The following KIAA1217 variants were observed in gnomAD, a reference collection of about 807,000 sequenced individuals.
The protein encoded by KIAA1217 is KIAA1217.
A neutral mutation model predicts 163.9 loss-of-function variants in KIAA1217; 88 were observed. That is an observed-to-expected ratio of 0.54 (90% CI 0.45 to 0.64). KIAA1217 has a LOEUF of 0.64. Ranked by LOEUF, KIAA1217 falls within the 30% of genes least tolerant of loss-of-function variation. The pLI, the probability that KIAA1217 is intolerant of heterozygous loss-of-function variation, is 0.00. For synonymous variants in KIAA1217, 903 were observed against 923.1 expected (o/e 0.98, Z 0.39); for missense variants, 2,372 against 2,475.0 (o/e 0.96, Z 0.88).
intron 1 of KIAA1217, among the ~76,000 whole-genome samples, chr10:23,858,943 C>T (rs1305653491): frequency 2.6e-5 from 4 of 152,166 alleles, no homozygotes; most frequent in South Asian, 2.1e-4. Context: ...TTTCCTCCCT[C>T]GTAACTTAAT....
At chr10:24,373,450 A>G (rs905209029) in intron 2 of KIAA1217, among the ~76,000 whole-genome samples, 2 of 152,120 alleles carry the variant, frequency 1.3e-5, no homozygotes, top group African/African-American at 4.8e-5. Flanking sequence ...TGGCCTCTGT[A>G]GCATGGGGAT....
At chr10:23,775,135 G>A (rs1050188551) in intron 1 of KIAA1217, among the ~76,000 whole-genome samples, 1 of 152,148 alleles carries the variant, frequency 6.6e-6, no homozygotes, top group Non-Finnish European at 1.5e-5. Context: ...TCCATTAAAA[G>A]CTGCTGCCCT....
chr10:24,534,850 C>T lies in KIAA1217; in HGVS notation c.3414+1613C>T, dbSNP rs180770891. On this transcript the variant is annotated intron_variant, in intron 16 of 20. Transcript: ENST00000376454. The stretch of plus-strand genomic sequence containing the variant: ...GAGCCAGGATCACACCACTGCACTT[C>T]AGCCTGGGTGACAAGAGTGAAACTC... Among the ~76,000 whole-genome samples, 233 of 134,212 alleles carry T rather than the reference C, an allele frequency of 1.7e-3. 4 individuals are homozygous for T. The highest frequency in any genetic ancestry group is 6.2e-3 in the African/African-American group (216 of 35,078). The allele number at this position is 134,212 out of a possible 152,430, so 88.0% of individuals were successfully genotyped here.
In KIAA1217 at chr10:24,542,918, T is replaced by G; in HGVS notation, c.3648T>G (p.Pro1216=). ...TTGAVRPSDP[P]KWERGMENSI... is the part of the protein sequence containing the mutation. ...GGGCTGTAAGACCTAGTGACCCTCC[T>G]AAGTGGGAAAGAGGAATGGAGAATA... The change falls in exon 19 of 21, where the codon CCT becomes CCG. Residue 1216 remains proline (P), a synonymous_variant. Coordinates refer to ENST00000376454, the MANE Select transcript of KIAA1217 (RefSeq NM_019590.5). 6.2e-7 allele frequency: 1 copy of G among 1,612,644 alleles called. No individual in the cohort carries two copies. Among genetic ancestry groups the G allele is most frequent in the Non-Finnish European group, 8.5e-7 (1 of 1,179,372 alleles).
chr10:23,821,104 CGTGTGTGT>C lies in KIAA1217; in HGVS notation c.-321+125896_-321+125903del, dbSNP rs3072739. 7.6e-3 allele frequency among the ~76,000 whole-genome samples: 1,091 copies of C among 143,212 alleles called. 12 individuals carry two copies. The highest frequency in any genetic ancestry group is 0.025 in the African/African-American group (996 of 39,744). The allele number at this position is 143,212 out of a possible 152,430, so 94.0% of individuals were successfully genotyped here. A position where few individuals can be genotyped will look rare whatever the true frequency, so the allele number is the denominator to read the frequency against. On this transcript the variant is annotated intron_variant, in intron 1 of 18. Coordinates refer to the KIAA1217 transcript ENST00000376462. ...TAATTTTCTTGCAGCTGTGTGTGTG[CGTGTGTGT>C]GTGTGTGTGTGTGTGTGTGTGTGTG...
At chr10:24,385,680 T>C (rs1260050553) in intron 3 of KIAA1217, among the ~76,000 whole-genome samples, 1 of 152,228 alleles carries the variant, frequency 6.6e-6, no homozygotes, top group Non-Finnish European at 1.5e-5. Flanking sequence ...TTCCCTGCCC[T>C]TTCCTCTCAT....
chr10:24,003,734 A>C (rs1029426193), intron 1 of KIAA1217, among the ~76,000 whole-genome samples: 2 of 152,230 alleles, frequency 1.3e-5, no homozygotes, highest in African/African-American at 2.4e-5. Flanking sequence ...GTCACTTTGA[A>C]TCACAGAATG....
At chr10:24,006,140 TA>T (rs1846986735) in intron 1 of KIAA1217, among the ~76,000 whole-genome samples, 1 of 152,190 alleles carries the variant, frequency 6.6e-6, no homozygotes, top group Admixed American at 6.5e-5. Context: ...GCACAAGAAA[TA>T]ATTTAAATTG....
At chr10:24,414,037 A>T (rs2058031948) in intron 3 of KIAA1217, among the ~76,000 whole-genome samples, 1 of 152,344 alleles carries the variant, frequency 6.6e-6, no homozygotes, top group Non-Finnish European at 1.5e-5. Context: ...AATGAAATCC[A>T]TCTTTTACCA....
intron 2 of KIAA1217, among the ~76,000 whole-genome samples, chr10:24,122,779 T>G (rs1250280673): frequency 2.0e-5 from 3 of 152,122 alleles, no homozygotes; most frequent in African/African-American, 7.2e-5. Context: ...GTTTACTTTT[T>G]AGTTTTTATG....
chr10:24,494,596 T>C lies in KIAA1217; in HGVS notation c.1776T>C (p.Asp592=), dbSNP rs746678063. 5 of 1,602,544 alleles carry C rather than the reference T, an allele frequency of 3.1e-6. No individual in the cohort carries two copies. The Admixed American group carries it at 5.1e-5, about 16-fold the overall frequency. ...FKGPITSYSK[D]ASSEKMMKTT... is the part of the protein sequence containing the mutation. The stretch of plus-strand genomic sequence containing the variant: ...GGCCCATTACAAGTTATAGCAAAGA[T>C]GCGTCTAGGTAAAAAAGAAGAAAGC... Residue 592 remains aspartate, a synonymous_variant, in exon 7 of 21, where the codon GAT becomes GAC. Transcript: ENST00000376454.
chr10:24,418,606 A>C (rs1273147533), intron 3 of KIAA1217, among the ~76,000 whole-genome samples: 1 of 152,220 alleles, frequency 6.6e-6, no homozygotes, highest in Non-Finnish European at 1.5e-5. Context: ...ATACTTTAGC[A>C]CACAAGAAAA....
At chr10:23,935,911 C>T (rs1401160454) in intron 1 of KIAA1217, among the ~76,000 whole-genome samples, 1 of 152,114 alleles carries the variant, frequency 6.6e-6, no homozygotes, top group Non-Finnish European at 1.5e-5. Flanking sequence ...ATGGCACATA[C>T]ACATTATGAT....
At chr10:23,789,674 G>T (rs1263423039) in intron 1 of KIAA1217, among the ~76,000 whole-genome samples, 1 of 151,926 alleles carries the variant, frequency 6.6e-6, no homozygotes, top group Non-Finnish European at 1.5e-5. Context: ...CAGCTTTTCA[G>T]ACTGTACCTG....
chr10:23,952,427 T>C (rs1242737778), intron 1 of KIAA1217, among the ~76,000 whole-genome samples: 1 of 152,210 alleles, frequency 6.6e-6, no homozygotes, highest in Non-Finnish European at 1.5e-5. Flanking sequence ...TTAATCTGTC[T>C]TTGAAAACAT....
chr10:23,948,919 T>C (rs760970760), intron 1 of KIAA1217, among the ~76,000 whole-genome samples: 44 of 152,290 alleles, frequency 2.9e-4, no homozygotes, highest in Admixed American at 8.5e-4. Flanking sequence ...ATATACTCAC[T>C]TCTGTAACTT....
At chr10:24,349,869 A>G (rs748819246) in intron 2 of KIAA1217, among the ~76,000 whole-genome samples, 3 of 152,230 alleles carry the variant, frequency 2.0e-5, no homozygotes, top group Non-Finnish European at 2.9e-5. Flanking sequence ...AAAGAAATCT[A>G]AGCAGTAATG....
intron 2 of KIAA1217, among the ~76,000 whole-genome samples, chr10:24,194,923 A>G (rs1184806868): frequency 2.6e-5 from 4 of 151,740 alleles, no homozygotes; most frequent in Non-Finnish European, 5.9e-5. Context: ...CTTTATTTCT[A>G]TTGTATATGA....
At chr10:23,987,308 C>T (rs1284774888) in intron 1 of KIAA1217, among the ~76,000 whole-genome samples, 3 of 142,342 alleles carry the variant, frequency 2.1e-5, no homozygotes, top group South Asian at 2.3e-4. Context: ...ACCCGGGAGG[C>T]GGAGCTTGCA....
Sources: allele counts gnomAD v4.1 joint callset (sites outside exome capture counted in the v4.1 genomes callset), GRCh38; gene constraint gnomAD v4.1.1; transcripts MANE v1.5; gene names NCBI Gene and HGNC (gene_info 2026-07-23, HGNC 2026-07-21).